Variants in PRKN observed in about 807,000 individuals in gnomAD.
PRKN encodes the protein parkin RBR E3 ubiquitin protein ligase, also known as E3 ubiquitin-protein ligase parkin.
A neutral mutation model predicts 59.5 loss-of-function variants in PRKN; 56 were observed. The ratio of observed to expected loss-of-function variants is 0.94; its 90% confidence interval spans 0.76 to 1.18. PRKN has a LOEUF of 1.18. Among genes scored for constraint, PRKN ranks in the 50% most tolerant of loss-of-function variants. PRKN has a pLI of 0.00. For synonymous variants in PRKN, 250 were observed against 222.1 expected (o/e 1.13, Z -1.12); for missense variants, 657 against 596.4 (o/e 1.10, Z -1.06).
chr6:161,779,435 C>CTTTCCTTTTTTTTTTT (rs1234367519), intron 7 of PRKN, among the ~76,000 whole-genome samples: 11 of 40,426 alleles, frequency 2.7e-4, no homozygotes, highest in South Asian at 9.1e-4. Context: ...TTTTTCTTTT[C>CTTTCCTTTTTTTTTTT]TTTTCTTTTT....
intron 1 of PRKN, among the ~76,000 whole-genome samples, chr6:162,451,367 TAAA>T (rs140082933): frequency 9.6e-6 from 1 of 104,708 alleles, no homozygotes. Flanking sequence ...CTTAAAGGAG[TAAA>T]AAAAAAAAAA....
chr6:162,303,371 C>G (rs999129349), intron 2 of PRKN, among the ~76,000 whole-genome samples: 2 of 152,142 alleles, frequency 1.3e-5, no homozygotes, highest in Admixed American at 6.5e-5. Flanking sequence ...TTCAGGCAAG[C>G]CAATGTTCTC....
At chr6:162,695,243 T>A (rs1777926300) in intron 1 of PRKN, among the ~76,000 whole-genome samples, 1 of 152,162 alleles carries the variant, frequency 6.6e-6, no homozygotes, top group Non-Finnish European at 1.5e-5. Flanking sequence ...AGTTTTTAAC[T>A]CAGAAAATTA....
Position 161,348,081 on chromosome 6 carries a change from A to G in PRKN, c.*2018T>C. ...TGTTCAGGCACCGCAAGCCCAACGCAGCATGCAGATTGGGAAGGCGCAATA... is the reference window on the plus strand; with the variant it reads ...TGTTCAGGCACCGCAAGCCCAACGCGGCATGCAGATTGGGAAGGCGCAATA... On this transcript the variant is annotated 3_prime_UTR_variant, in exon 12 of 12. Transcript: ENST00000366898. This position sits in a 1 kb window ranked among gnomAD's most constrained non-coding sequence, Gnocchi z 4.9. The G allele has an allele frequency of 5.3e-6, 1 of 187,622 alleles. No homozygotes were observed. 11.6% of individuals were successfully genotyped at this position (187,622 alleles called of 1,614,324 possible). A position where few individuals can be genotyped will look rare whatever the true frequency, so the allele number is the denominator to read the frequency against.
intron 1 of PRKN, among the ~76,000 whole-genome samples, chr6:162,638,399 C>CT (rs1777826029): frequency 6.6e-6 from 1 of 152,172 alleles, no homozygotes; most frequent in South Asian, 2.1e-4. Flanking sequence ...CTTTCCAACT[C>CT]TGTCTCCCTG....
chr6:161,723,039 C>A (rs1002775099), intron 7 of PRKN, among the ~76,000 whole-genome samples: 3 of 152,118 alleles, frequency 2.0e-5, no homozygotes, highest in African/African-American at 4.8e-5. Flanking sequence ...GAGGCCAAGG[C>A]GGGTGGATCA....
At chr6:161,577,941 A>C (rs550571967) in intron 7 of PRKN, among the ~76,000 whole-genome samples, 1 of 152,282 alleles carries the variant, frequency 6.6e-6, no homozygotes, top group Admixed American at 6.5e-5. Flanking sequence ...ATTCCAAGTA[A>C]ATATTCATTG....
chr6:161,785,882 T>C lies in PRKN; in HGVS notation c.761A>G (p.Asn254Ser), dbSNP rs139600787. The C allele has an allele frequency of 2.4e-5, 39 of 1,613,688 alleles. No homozygotes were observed. The Middle Eastern group carries it at 3.3e-3, about 136-fold the overall frequency. The change falls in exon 7 of 12, where the codon AAC (asparagine) becomes AGC (serine). Residue 254 changes from asparagine to serine, a missense_variant. By Grantham distance (46) the Asn-to-Ser change is conservative. Coordinates refer to ENST00000366898, the MANE Select transcript of PRKN (RefSeq NM_004562.3). ...VRSPVLVFQC[N>S]SRHVICLDCF... The stretch of plus-strand genomic sequence containing the variant: ...GTCTAAGCAAATCACGTGGCGGGAG[T>C]TGCACTGGAAAACCAGGACGGGGCT...
At chr6:162,522,799 GA>G (rs59617720) in intron 1 of PRKN, among the ~76,000 whole-genome samples, 96,396 of 144,356 alleles carry the variant, frequency 0.67, 33,236 homozygotes, top group South Asian at 0.8. Context: ...GAACTGATCA[GA>G]AAAAAAAAAA....
chr6:162,179,900 C>A (rs1783712264), intron 4 of PRKN, among the ~76,000 whole-genome samples: 1 of 131,716 alleles, frequency 7.6e-6, no homozygotes, highest in African/African-American at 2.8e-5. Context: ...TTTGCCTCCT[C>A]TTCCCATTTT....
chr6:162,144,667 A>G (rs1396149854), intron 4 of PRKN, among the ~76,000 whole-genome samples: 1 of 152,172 alleles, frequency 6.6e-6, no homozygotes, highest in East Asian at 1.9e-4. Flanking sequence ...GACAGCTTAC[A>G]TAGTTGATTT....
chr6:162,380,609 T>C, intron 2 of PRKN, among the ~76,000 whole-genome samples: 1 of 150,804 alleles, frequency 6.6e-6, no homozygotes, highest in Middle Eastern at 3.2e-3. Context: ...AGAGGTGGTA[T>C]CAAGTAGTGG....
At chr6:162,711,633 T>C (rs1275954233) in intron 1 of PRKN, among the ~76,000 whole-genome samples, 1 of 152,130 alleles carries the variant, frequency 6.6e-6, no homozygotes, top group Non-Finnish European at 1.5e-5. Context: ...TGTTTAGCAA[T>C]CTAGATTGCA....
intron 1 of PRKN, among the ~76,000 whole-genome samples, chr6:162,445,512 C>T (rs1790265604): frequency 6.6e-6 from 1 of 151,672 alleles, no homozygotes; most frequent in African/African-American, 2.4e-5. Flanking sequence ...CAAAGTGAGA[C>T]CCCATCTCTA....
At chr6:162,491,135 T>C (rs1231227558) in intron 1 of PRKN, among the ~76,000 whole-genome samples, 1 of 148,494 alleles carries the variant, frequency 6.7e-6, no homozygotes, top group African/African-American at 2.5e-5. Flanking sequence ...CCAGGTCTGG[T>C]GACACATGCC....
At chr6:161,614,743 T>C (rs941375974) in intron 7 of PRKN, among the ~76,000 whole-genome samples, 5 of 152,230 alleles carry the variant, frequency 3.3e-5, no homozygotes, top group Non-Finnish European at 7.3e-5. Flanking sequence ...TTTTGACAGG[T>C]GGCAGAAATC....
At chr6:162,568,967 C>A in intron 1 of PRKN, 1 of 669,160 alleles carries the variant, frequency 1.5e-6, no homozygotes, top group Non-Finnish European at 2.7e-6. Flanking sequence ...GGCTGGCTGA[C>A]GAGATCAATT....
At chr6:162,089,131 T>A (rs1197974831) in intron 4 of PRKN, among the ~76,000 whole-genome samples, 1 of 152,040 alleles carries the variant, frequency 6.6e-6, no homozygotes, top group African/African-American at 2.4e-5. Flanking sequence ...AGGAAGGAAA[T>A]AAATGCAAAT....
At position 162,234,715 on chromosome 6, in the gene PRKN, G is replaced by A. The variant is rs987230364; in HGVS notation, c.412+27810C>T. 2.0e-4 allele frequency among the ~76,000 whole-genome samples: 31 copies of A among 152,214 alleles called. 1 individual carries two copies. The highest frequency in any genetic ancestry group is 7.2e-4 in the African/African-American group (30 of 41,530). On this transcript the variant is annotated intron_variant, in intron 3 of 11. Coordinates refer to ENST00000366898, the MANE Select transcript of PRKN (RefSeq NM_004562.3). ...TTATTTTTTACTGCTTTTCCACCAAGTATTTTTTATGGATTGGTTGAATCT... is the reference window on the plus strand; with the variant it reads ...TTATTTTTTACTGCTTTTCCACCAAATATTTTTTATGGATTGGTTGAATCT...
Sources: gnomAD v4.1 joint callset for allele counts (sites outside exome capture counted in the v4.1 genomes callset) on GRCh38, gnomAD v4.1.1 for gene constraint, Gnocchi (gnomAD v3.1) non-coding constraint, MANE v1.5 for transcripts, NCBI Gene and HGNC (gene_info 2026-07-23, HGNC 2026-07-21) for gene names.